The following PXK variants were observed in gnomAD, a reference collection of about 807,000 sequenced individuals.
The protein encoded by PXK is PX domain containing serine/threonine kinase like.
PXK carries 35 observed loss-of-function variants against 84.7 expected under a neutral mutation model. That is an observed-to-expected ratio of 0.41 (90% CI 0.32 to 0.55). The LOEUF (loss-of-function observed/expected upper bound fraction) is 0.55. PXK is among the 20% of genes least tolerant of loss of function. The pLI is 0.21. For missense variants in PXK, 634 were observed against 699.7 expected (o/e 0.91, Z 1.06); for synonymous variants, 253 against 260.8 (o/e 0.97, Z 0.29).
intron 3 of PXK, among the ~76,000 whole-genome samples, chr3:58,372,810 A>G (rs2098395783): frequency 6.6e-6 from 1 of 151,932 alleles, no homozygotes; most frequent in Non-Finnish European, 1.5e-5. Flanking sequence ...TATTTTTAGT[A>G]GAGACGGGGT....
intron 13 of PXK, among the ~76,000 whole-genome samples, chr3:58,405,991 C>A (rs960360716): frequency 6.6e-6 from 1 of 151,580 alleles, no homozygotes; most frequent in Non-Finnish European, 1.5e-5. Context: ...TCTTTTGAGA[C>A]GGAGTCTCGC....
Position 58,409,120 on chromosome 3 carries a change from C to A in PXK, c.1308+119C>A. On this transcript the variant is annotated intron_variant, in intron 14 of 17. Coordinates refer to ENST00000356151, the MANE Select transcript of PXK (RefSeq NM_017771.5). The surrounding 1 kb of genome is among the most constrained non-coding windows in gnomAD (Gnocchi z 4.2). ...TATTTTAAGCATACTTACTCTCAGCCAGCCTTTAGGCTAAATGCTTCCCTG... is the reference window on the plus strand; with the variant it reads ...TATTTTAAGCATACTTACTCTCAGCAAGCCTTTAGGCTAAATGCTTCCCTG... The A allele has an allele frequency of 1.3e-6, 1 of 774,038 alleles. No homozygotes were observed. The highest frequency in any genetic ancestry group is 2.1e-6 in the Non-Finnish European group (1 of 474,214). 47.9% of individuals were successfully genotyped at this position (774,038 alleles called of 1,614,324 possible). A position where few individuals can be genotyped will look rare whatever the true frequency, so the allele number is the denominator to read the frequency against.
At chr3:58,337,542 C>T (rs2097646053) in intron 1 of PXK, among the ~76,000 whole-genome samples, 1 of 152,044 alleles carries the variant, frequency 6.6e-6, no homozygotes, top group Admixed American at 6.6e-5. Flanking sequence ...AGGACCACAG[C>T]TCACGGCAAC....
intron 4 of PXK, among the ~76,000 whole-genome samples, chr3:58,384,224 G>T (rs2098531692): frequency 6.6e-6 from 1 of 152,206 alleles, no homozygotes; most frequent in Non-Finnish European, 1.5e-5. Flanking sequence ...TGAAGGTGCA[G>T]AATTCAGTCC....
At chr3:58,376,416 A>C (rs2098442988) in intron 3 of PXK, among the ~76,000 whole-genome samples, 1 of 152,094 alleles carries the variant, frequency 6.6e-6, no homozygotes, top group Admixed American at 6.6e-5. Context: ...ACTCTGTCTA[A>C]AAATAAATAA....
At chr3:58,365,693 T>C (rs1280038639) in intron 1 of PXK, among the ~76,000 whole-genome samples, 181 bp from the exon 2 acceptor site, 2 of 152,232 alleles carry the variant, frequency 1.3e-5, no homozygotes, top group Non-Finnish European at 2.9e-5. Flanking sequence ...TGAGGATTGC[T>C]ATGTCTTCCT....
At position 58,364,826 on chromosome 3, in the gene PXK, G is replaced by T. The variant is rs149431628; in HGVS notation, c.103-1048G>T. Reference sequence around the variant, plus strand: ...CATCTAAGTTGTCAAATTGATATATGTAGAATCGTTCACAGCATTCCCTTA... The same window carrying T: ...CATCTAAGTTGTCAAATTGATATATTTAGAATCGTTCACAGCATTCCCTTA... On this transcript the variant is annotated intron_variant, in intron 1 of 17. Transcript: ENST00000356151. This position sits in a 1 kb window ranked among gnomAD's most constrained non-coding sequence, Gnocchi z 4.3. Among the ~76,000 whole-genome samples, 197 of 152,250 alleles carry T rather than the reference G, an allele frequency of 1.3e-3. No homozygotes were observed. Among genetic ancestry groups the T allele is most frequent in the African/African-American group, 4.6e-3 (191 of 41,544 alleles).
At chr3:58,386,290 CTTT>C (rs752411806) in intron 4 of PXK, among the ~76,000 whole-genome samples, 2,645 of 82,136 alleles carry the variant, frequency 0.032, 94 homozygotes, top group African/African-American at 0.12. Context: ...ATCCCCCTTA[CTTT>C]TTTTTTTTTT....
Position 58,424,784 on chromosome 3 carries a change from C to T in PXK, c.1561C>T (p.Pro521Ser). ...ISALPPPPPP[P>S]PPPAAPLPPA... ...TGCATTACCTCCACCTCCTCCACCT[C>T]CACCACCACCAGCAGCTCCCTTGCC... The change falls in exon 18 of 18, where the codon CCA becomes TCA. Residue 521 changes from proline (P) to serine (S), a missense_variant. Physicochemically the swap from Pro to Ser is moderately conservative, Grantham distance 74. This residue lies in a region of PXK where 273 missense variants were observed against 283.6 expected (regional missense o/e 0.96). Coordinates refer to ENST00000356151, the MANE Select transcript of PXK (RefSeq NM_017771.5). 1 of 1,614,122 alleles carries T rather than the reference C, an allele frequency of 6.2e-7. No homozygotes were observed. The highest frequency in any genetic ancestry group is 8.5e-7 in the Non-Finnish European group (1 of 1,180,030).
intron 1 of PXK, among the ~76,000 whole-genome samples, chr3:58,362,590 T>C (rs544113669): frequency 1.3e-5 from 2 of 152,370 alleles, no homozygotes; most frequent in East Asian, 1.9e-4. Context: ...GGCATACTTA[T>C]ATGGAATTAT....
At chr3:58,345,046 G>A (rs1052675079) in intron 1 of PXK, among the ~76,000 whole-genome samples, 1 of 152,192 alleles carries the variant, frequency 6.6e-6, no homozygotes, top group African/African-American at 2.4e-5. Context: ...TCTTCTGCGT[G>A]CCAGGCACTG....
At chr3:58,418,265 C>T (rs1221097198) in intron 17 of PXK, among the ~76,000 whole-genome samples, 1 of 152,152 alleles carries the variant, frequency 6.6e-6, no homozygotes, top group East Asian at 1.9e-4. Context: ...TCACTTGTTT[C>T]AGTTAATCAT....
At chr3:58,404,207 A>T (rs748476278) in intron 13 of PXK, among the ~76,000 whole-genome samples, 1 of 152,238 alleles carries the variant, frequency 6.6e-6, no homozygotes, top group Non-Finnish European at 1.5e-5. Flanking sequence ...ACAAGCCTGG[A>T]AGGAGGTCTT....
chr3:58,359,267 C>T (rs547413942), intron 1 of PXK, among the ~76,000 whole-genome samples: 178 of 152,212 alleles, frequency 1.2e-3, no homozygotes, highest in African/African-American at 4.0e-3. Context: ...CGCAGTGGCT[C>T]ACGCCTGGAA....
intron 17 of PXK, chr3:58,423,254 T>C (rs946790155): frequency 9.2e-6 from 9 of 975,130 alleles, no homozygotes; most frequent in Non-Finnish European, 1.1e-5. Context: ...TTTATCTCTG[T>C]AACCTGGTGA....
At chr3:58,351,398 TGTGTG>T (rs1575813420) in intron 1 of PXK, among the ~76,000 whole-genome samples, 8 of 71,792 alleles carry the variant, frequency 1.1e-4, no homozygotes, top group Non-Finnish European at 1.9e-4. Flanking sequence ...TAGCTATTTG[TGTGTG>T]TGTGTGTGTG....
chr3:58,381,489 C>T (rs780632481), intron 3 of PXK, among the ~76,000 whole-genome samples: 7 of 144,344 alleles, frequency 4.8e-5, no homozygotes, highest in Admixed American at 2.9e-4. Context: ...ATAAAACTGA[C>T]GCAGCTGTGT....
In PXK at chr3:58,370,298, T is replaced by C. The variant is rs1490106957; in HGVS notation, c.201+820T>C. 1.3e-5 allele frequency among the ~76,000 whole-genome samples: 2 copies of C among 152,230 alleles called. No homozygotes were observed. Among genetic ancestry groups the C allele is most frequent in the African/African-American group, 4.8e-5 (2 of 41,464 alleles). ...GGCCATAATGGGAAGAAGCATGAGC[T>C]GGAAGGTCTTCATCTAGAAACACAG... On this transcript the variant is annotated intron_variant, in intron 3 of 17. Transcript: ENST00000356151. The surrounding 1 kb of genome is among the most constrained non-coding windows in gnomAD (Gnocchi z 4.2).
chr3:58,413,109 A>C (rs778618181), intron 17 of PXK, 146 bp downstream of exon 17: 1 of 855,626 alleles, frequency 1.2e-6, no homozygotes, highest in Non-Finnish European at 1.9e-6. Context: ...GCAAATTAGC[A>C]GTGTCATTTG....
Sources: allele counts gnomAD v4.1 joint callset (sites outside exome capture counted in the v4.1 genomes callset), GRCh38; gene constraint gnomAD v4.1.1; regional missense constraint gnomAD v4.1.1; non-coding constraint Gnocchi (gnomAD v3.1); transcripts MANE v1.5; gene names NCBI Gene and HGNC (gene_info 2026-07-23, HGNC 2026-07-21).